EPHB1: variants seen among roughly 807,000 people sequenced by gnomAD.
EPHB1 encodes ephrin type-B receptor 1.
Under a neutral mutation model 94.4 loss-of-function variants are expected in EPHB1, and 30 were observed. That is an observed-to-expected ratio of 0.32 (90% CI 0.24 to 0.43). The LOEUF (loss-of-function observed/expected upper bound fraction) is 0.43, where lower values mean the gene tolerates loss of function less well. Ranked by LOEUF, EPHB1 falls within the 20% of genes least tolerant of loss-of-function variation. The pLI is 1.00. For synonymous variants in EPHB1, 522 were observed against 489.1 expected, an observed-to-expected ratio of 1.07 and a Z score of -0.89; for missense variants, 1,055 against 1,308.3, an observed-to-expected ratio of 0.81 and a Z score of 2.99.
chr3:134,908,998 G>A (rs2038396399), intron 1 of EPHB1, among the ~76,000 whole-genome samples: 2 of 151,918 alleles, frequency 1.3e-5, no homozygotes, highest in Non-Finnish European at 2.9e-5. Context: ...GAGGTAGGAT[G>A]TGCCCACCAA....
chr3:134,820,711 C>T (rs552738230), intron 1 of EPHB1, among the ~76,000 whole-genome samples: 3 of 152,266 alleles, frequency 2.0e-5, no homozygotes, highest in South Asian at 2.1e-4. Flanking sequence ...TCCCACCACT[C>T]GGCCCCAGGC....
At chr3:134,921,306 T>A (rs1307576467) in intron 1 of EPHB1, among the ~76,000 whole-genome samples, 11 of 152,134 alleles carry the variant, frequency 7.2e-5, no homozygotes. Flanking sequence ...TCTTCCCTCC[T>A]CACCACTGCC....
chr3:135,022,421 A>T (rs1936018971), intron 3 of EPHB1, among the ~76,000 whole-genome samples: 1 of 152,162 alleles, frequency 6.6e-6, no homozygotes, highest in South Asian at 2.1e-4. Context: ...ATATTTTTTA[A>T]TTCATGAGGC....
chr3:135,249,582 C>A (rs1345654092), intron 15 of EPHB1, 91 bp downstream of exon 15: 1 of 1,457,134 alleles, frequency 6.9e-7, no homozygotes, highest in Non-Finnish European at 9.3e-7. Context: ...TATTTCTGGC[C>A]TCATCCCTGG....
chr3:134,871,966 T>C (rs1421373056), intron 1 of EPHB1, among the ~76,000 whole-genome samples: 1 of 152,232 alleles, frequency 6.6e-6, no homozygotes, highest in Non-Finnish European at 1.5e-5. Context: ...CAGGATGCTG[T>C]GTTTTCATGT....
intron 12 of EPHB1, among the ~76,000 whole-genome samples, chr3:135,228,997 C>G (rs1323039162): frequency 6.6e-6 from 1 of 152,210 alleles, no homozygotes; most frequent in African/African-American, 2.4e-5. Context: ...ACCCTCCTCT[C>G]CTGTCCAGTT....
chr3:135,185,543 A>G (rs875368), intron 10 of EPHB1, among the ~76,000 whole-genome samples: 66,986 of 152,158 alleles, frequency 0.44, 15,190 homozygotes, highest in East Asian at 0.7. Context: ...TAGAGCATAT[A>G]TATCTGTATG....
At chr3:134,969,897 A>C (rs1933901701) in intron 3 of EPHB1, among the ~76,000 whole-genome samples, 1 of 152,188 alleles carries the variant, frequency 6.6e-6, no homozygotes, top group African/African-American at 2.4e-5. Flanking sequence ...CCCTCAGTGC[A>C]GTCTATCTTG....
intron 1 of EPHB1, among the ~76,000 whole-genome samples, chr3:134,861,145 G>A (rs764731406): frequency 3.9e-5 from 6 of 152,188 alleles, no homozygotes; most frequent in Non-Finnish European, 1.5e-5. Context: ...AAGGGCATGA[G>A]TGTGGTGAGG....
At chr3:135,176,363 G>A (rs1941978053) in intron 9 of EPHB1, among the ~76,000 whole-genome samples, 1 of 152,154 alleles carries the variant, frequency 6.6e-6, no homozygotes, top group Non-Finnish European at 1.5e-5. Flanking sequence ...AATTTCAGGG[G>A]AAACGAGTAC....
At chr3:134,931,611 A>C (rs539411199) in intron 2 of EPHB1, among the ~76,000 whole-genome samples, 1 of 152,178 alleles carries the variant, frequency 6.6e-6, no homozygotes, top group Non-Finnish European at 1.5e-5. Context: ...TCACCATAGG[A>C]AAGGGGATGC....
At chr3:134,802,055 A>G (rs941772523) in intron 1 of EPHB1, among the ~76,000 whole-genome samples, 6 of 152,186 alleles carry the variant, frequency 3.9e-5, no homozygotes, top group African/African-American at 1.4e-4. Flanking sequence ...CTCATTGTTA[A>G]ATAGACTGGA....
intron 3 of EPHB1, among the ~76,000 whole-genome samples, chr3:135,057,014 G>A (rs1937368737): frequency 6.6e-6 from 1 of 152,158 alleles, no homozygotes; most frequent in South Asian, 2.1e-4. Context: ...AGTCCCCTCT[G>A]GGCCTGCTCA....
intron 11 of EPHB1, among the ~76,000 whole-genome samples, chr3:135,194,646 G>C (rs1485639569): frequency 2.0e-5 from 3 of 152,208 alleles, no homozygotes; most frequent in Non-Finnish European, 4.4e-5. Flanking sequence ...CACTACTGAA[G>C]CTACCTTTGT....
At chr3:135,015,064 C>T (rs1318782376) in intron 3 of EPHB1, among the ~76,000 whole-genome samples, 1 of 152,076 alleles carries the variant, frequency 6.6e-6, no homozygotes, top group Non-Finnish European at 1.5e-5. Context: ...GTATGGCACC[C>T]CAGCCTCACA....
intron 3 of EPHB1, among the ~76,000 whole-genome samples, chr3:134,976,755 C>T (rs1934208283): frequency 6.6e-6 from 1 of 152,102 alleles, no homozygotes; most frequent in Non-Finnish European, 1.5e-5. Flanking sequence ...AAGGTTAGGG[C>T]TTGTCCTTCA....
intron 1 of EPHB1, among the ~76,000 whole-genome samples, chr3:134,803,406 G>T (rs2035970732): frequency 6.6e-6 from 1 of 152,180 alleles, no homozygotes; most frequent in Non-Finnish European, 1.5e-5. Context: ...AACTTCTGAG[G>T]TCCCTGGGAC....
intron 1 of EPHB1, among the ~76,000 whole-genome samples, chr3:134,871,016 G>A (rs554499661): frequency 6.6e-6 from 1 of 152,170 alleles, no homozygotes; most frequent in East Asian, 1.9e-4. Flanking sequence ...TTAGGCCCCT[G>A]GAGTGGGTAG....
intron 3 of EPHB1, among the ~76,000 whole-genome samples, chr3:135,026,825 A>G (rs1936195133): frequency 6.8e-6 from 1 of 146,052 alleles, no homozygotes; most frequent in African/African-American, 2.6e-5. Context: ...TTTTCACGGT[A>G]TTGATTCTTC....
Sources: allele counts gnomAD v4.1 joint callset (sites outside exome capture counted in the v4.1 genomes callset), GRCh38; gene constraint gnomAD v4.1.1; transcripts MANE v1.5; gene names NCBI Gene and HGNC (gene_info 2026-07-23, HGNC 2026-07-21).